The following BIN3 variants were observed in gnomAD, a reference collection of about 807,000 sequenced individuals.
BIN3 encodes bridging integrator 3.
BIN3 carries 41 observed loss-of-function variants against 38.2 expected under a neutral mutation model. The observed-to-expected ratio is 1.07, with a 90% CI of 0.84 to 1.39. The LOEUF is 1.39. BIN3 is among the 40% of genes most tolerant of loss of function. BIN3 has a pLI of 0.00. For missense variants in BIN3, 361 were observed against 324.3 expected, an observed-to-expected ratio of 1.11 and a Z score of -0.87; for synonymous variants, 145 against 122.6, an observed-to-expected ratio of 1.18 and a Z score of -1.21.
Position 22,630,188 on chromosome 8 carries a change from G to A in BIN3, c.298-184C>T, listed in dbSNP as rs548295457. Among the ~76,000 whole-genome samples the A allele has an allele frequency of 3.3e-5, 5 of 152,344 alleles. No homozygotes were observed. In the South Asian group the frequency reaches 1.0e-3, roughly 32 times the overall value. On this transcript the variant is annotated intron_variant, in intron 5 of 8. Coordinates refer to ENST00000276416, the MANE Select transcript of BIN3 (RefSeq NM_018688.6). ...TGGCCACAGAAGCCTCAGGGGCTGGGGTGAACAGGACTGCCGCCGGCAACC... is the reference window on the plus strand; with the variant it reads ...TGGCCACAGAAGCCTCAGGGGCTGGAGTGAACAGGACTGCCGCCGGCAACC...
chr8:22,645,024 G>A, intron 1 of BIN3: 1 of 497,760 alleles, frequency 2.0e-6, no homozygotes, highest in Non-Finnish European at 3.7e-6. Context: ...GATGCAGGTT[G>A]CTCTGCCCCA....
intron 6 of BIN3, 153 bp downstream of exon 6, chr8:22,629,811 C>T (rs1802126603): frequency 5.3e-6 from 4 of 761,720 alleles, no homozygotes; most frequent in Admixed American, 2.3e-5. Flanking sequence ...ACGCTTAGGC[C>T]ACAGGTCACA....
chr8:22,631,128 A>G (rs972143196), intron 4 of BIN3, among the ~76,000 whole-genome samples: 16 of 152,232 alleles, frequency 1.1e-4, no homozygotes, highest in Non-Finnish European at 7.3e-5. Flanking sequence ...ACATAAAAAA[A>G]GGGATGTGGC....
intron 2 of BIN3, among the ~76,000 whole-genome samples, chr8:22,640,304 C>T (rs181017342): frequency 2.6e-3 from 391 of 152,086 alleles, no homozygotes; most frequent in Middle Eastern, 6.8e-3. Flanking sequence ...CAGCCTCCCA[C>T]GTACAGCTGG....
At chr8:22,631,894 T>A (rs1802214750) in intron 4 of BIN3, among the ~76,000 whole-genome samples, 1 of 152,226 alleles carries the variant, frequency 6.6e-6, no homozygotes, top group African/African-American at 2.4e-5. Context: ...GCCTCCATTA[T>A]TTCTAGATTC....
chr8:22,625,197 G>A (rs1267402325), intron 6 of BIN3: 6 of 646,744 alleles, frequency 9.3e-6, no homozygotes, highest in Admixed American at 4.7e-5. Flanking sequence ...CACCGGCCTC[G>A]TCTTTGTGGA....
At chr8:22,662,173 C>T (rs1203796226) in intron 1 of BIN3, among the ~76,000 whole-genome samples, 1 of 152,154 alleles carries the variant, frequency 6.6e-6, no homozygotes, top group African/African-American at 2.4e-5. Flanking sequence ...ATGACGATGC[C>T]CCTCACACTC....
intron 2 of BIN3, among the ~76,000 whole-genome samples, chr8:22,641,942 G>A: frequency 6.6e-6 from 1 of 152,092 alleles, no homozygotes. Context: ...TGGGTGGAAG[G>A]TTAGGATCGG....
At chr8:22,659,264 C>A (rs1373768769) in intron 1 of BIN3, among the ~76,000 whole-genome samples, 2 of 152,218 alleles carry the variant, frequency 1.3e-5, no homozygotes, top group Non-Finnish European at 2.9e-5. Flanking sequence ...GTGCCTATGA[C>A]CACAGCCTCC....
rs569508767 is a variant in BIN3 at position 22,621,527 on chromosome 8, C to G, written c.657G>C (p.Leu219=). The part of the protein sequence containing the change: ...YSEMHKIFGD[L]SHQLDQPGHS... ...GGCCTGGCTGGTCAAGCTGATGGGACAGGTCTCCAAAGATCTTGTGCATTT... is the reference window on the plus strand; with the variant it reads ...GGCCTGGCTGGTCAAGCTGATGGGAGAGGTCTCCAAAGATCTTGTGCATTT... The change falls in exon 9 of 9, where the codon CTG becomes CTC. Residue 219 remains leucine, a synonymous_variant. Coordinates refer to ENST00000276416, the MANE Select transcript of BIN3 (RefSeq NM_018688.6). The G allele has an allele frequency of 1.4e-5, 22 of 1,613,892 alleles. No individual in the cohort carries two copies. Among genetic ancestry groups the G allele is most frequent in the Non-Finnish European group, 1.7e-5 (20 of 1,179,888 alleles).
intron 1 of BIN3, among the ~76,000 whole-genome samples, chr8:22,647,895 G>A (rs900529455): frequency 3.1e-4 from 47 of 152,126 alleles, no homozygotes; most frequent in African/African-American, 1.1e-3. Context: ...GGGAGGCCGA[G>A]GCGGGTGAAT....
At chr8:22,634,006 G>A (rs1251882597) in intron 4 of BIN3, among the ~76,000 whole-genome samples, 1 of 152,222 alleles carries the variant, frequency 6.6e-6, no homozygotes, top group Non-Finnish European at 1.5e-5. Context: ...CCACAGCCAT[G>A]GACGGTGCGT....
At chr8:22,625,536 A>C in intron 6 of BIN3, 1 of 651,938 alleles carries the variant, frequency 1.5e-6, no homozygotes, top group Non-Finnish European at 2.8e-6. Context: ...AGGTTCCAGG[A>C]GCTCAGCTAC....
At chr8:22,623,225 T>A (rs1474459124) in intron 8 of BIN3, among the ~76,000 whole-genome samples, 4 of 152,176 alleles carry the variant, frequency 2.6e-5, no homozygotes, top group African/African-American at 7.2e-5. Flanking sequence ...CCTTTTCTAT[T>A]TTGCCAGTTG....
intron 1 of BIN3, among the ~76,000 whole-genome samples, chr8:22,649,903 T>C (rs1222208504): frequency 6.6e-6 from 1 of 151,282 alleles, no homozygotes; most frequent in Non-Finnish European, 1.5e-5. Context: ...TCACAGTGTG[T>C]ACATGTGTGT....
intron 4 of BIN3, among the ~76,000 whole-genome samples, chr8:22,632,088 T>C (rs1179282747): frequency 6.6e-6 from 1 of 152,254 alleles, no homozygotes; most frequent in Non-Finnish European, 1.5e-5. Flanking sequence ...AAGTCACTTA[T>C]TGTATGAACT....
At chr8:22,648,161 G>T (rs373270941) in intron 1 of BIN3, among the ~76,000 whole-genome samples, 3 of 140,396 alleles carry the variant, frequency 2.1e-5, no homozygotes, top group African/African-American at 7.7e-5. Context: ...AAAAGGAAAA[G>T]AAAAATTGTG....
intron 1 of BIN3, among the ~76,000 whole-genome samples, chr8:22,652,361 T>TG (rs1355988494): frequency 6.6e-6 from 1 of 152,236 alleles, no homozygotes; most frequent in East Asian, 1.9e-4. Flanking sequence ...AACAGTTTTG[T>TG]GGGGAACTCC....
intron 1 of BIN3, among the ~76,000 whole-genome samples, chr8:22,645,235 G>A (rs957083413): frequency 6.6e-6 from 1 of 151,914 alleles, no homozygotes; most frequent in Admixed American, 6.6e-5. Flanking sequence ...GGGAGGCCCA[G>A]GTGGAGGACT....
Sources: gnomAD v4.1 joint callset for allele counts (sites outside exome capture counted in the v4.1 genomes callset) on GRCh38, gnomAD v4.1.1 for gene constraint, MANE v1.5 for transcripts, NCBI Gene and HGNC (gene_info 2026-07-23, HGNC 2026-07-21) for gene names.